Variants in FARP1 observed in about 807,000 individuals in gnomAD.
The protein encoded by FARP1 is FERM, ARHGEF and pleckstrin domain-containing protein 1.
In FARP1, 52 loss-of-function variants were observed where a neutral mutation model predicts 128.8. The ratio of observed to expected loss-of-function variants is 0.40; its 90% CI spans 0.32 to 0.51. The LOEUF (loss-of-function observed/expected upper bound fraction) is 0.51. Ranked by LOEUF, FARP1 falls within the 20% of genes least tolerant of loss-of-function variation. The probability of loss-of-function intolerance (pLI) is 0.45; values close to 1 mark genes in which losing one functional copy is unlikely to be tolerated. For missense variants in FARP1, 1,333 were observed against 1,367.9 expected, an observed-to-expected ratio of 0.97 and a Z score of 0.40; for synonymous variants, 580 against 551.8, an observed-to-expected ratio of 1.05 and a Z score of -0.72.
At chr13:98,235,499 T>G (rs1361345995) in intron 2 of FARP1, among the ~76,000 whole-genome samples, 1 of 152,070 alleles carries the variant, frequency 6.6e-6, no homozygotes, top group African/African-American at 2.4e-5. Flanking sequence ...AGGGGGAAAC[T>G]CCCTCTCTCC....
chr13:98,245,130 G>A (rs1862448416), intron 2 of FARP1: 3 of 993,206 alleles, frequency 3.0e-6, no homozygotes, highest in Non-Finnish European at 3.6e-6. Flanking sequence ...ATGTTAACTG[G>A]AATTGCTGAA....
At chr13:98,187,305 A>G (rs1462669061) in intron 1 of FARP1, among the ~76,000 whole-genome samples, 1 of 152,198 alleles carries the variant, frequency 6.6e-6, no homozygotes, top group Non-Finnish European at 1.5e-5. Flanking sequence ...TCATATTTGA[A>G]TGTTTACACT....
chr13:98,335,406 A>G (rs891670681), intron 2 of FARP1, among the ~76,000 whole-genome samples: 1 of 152,160 alleles, frequency 6.6e-6, no homozygotes, highest in Non-Finnish European at 1.5e-5. Flanking sequence ...ACTTTTCCTT[A>G]TAAAACCATC....
At chr13:98,311,773 CTA>C (rs1886469061) in intron 2 of FARP1, among the ~76,000 whole-genome samples, 2 of 152,180 alleles carry the variant, frequency 1.3e-5, no homozygotes, top group African/African-American at 4.8e-5. Flanking sequence ...GCAGGAATGG[CTA>C]CCGTAATGAT....
chr13:98,224,772 G>A (rs1881660877), intron 2 of FARP1, among the ~76,000 whole-genome samples: 2 of 152,074 alleles, frequency 1.3e-5, no homozygotes, highest in African/African-American at 2.4e-5. Context: ...CACCCTCTGT[G>A]GTTGGAGGCG....
chr13:98,307,852 A>T (rs1886234481), intron 2 of FARP1, among the ~76,000 whole-genome samples: 1 of 151,836 alleles, frequency 6.6e-6, no homozygotes, highest in African/African-American at 2.4e-5. Context: ...ACTCTTTTGG[A>T]AAAAAAACTA....
intron 2 of FARP1, among the ~76,000 whole-genome samples, chr13:98,325,569 A>C (rs1162783566): frequency 6.6e-6 from 1 of 152,224 alleles, no homozygotes. Flanking sequence ...AGAAATGCTG[A>C]TCTTCCCTGT....
intron 1 of FARP1, among the ~76,000 whole-genome samples, chr13:98,205,533 C>A (rs180961181): frequency 6.6e-6 from 1 of 152,204 alleles, no homozygotes; most frequent in East Asian, 1.9e-4. Flanking sequence ...GCTGGGACTT[C>A]AGGTGCCCAC....
intron 12 of FARP1, among the ~76,000 whole-genome samples, chr13:98,394,906 C>CAG (rs1210256008): frequency 6.6e-6 from 1 of 152,168 alleles, no homozygotes; most frequent in Non-Finnish European, 1.5e-5. Flanking sequence ...GCCTAGGTGA[C>CAG]AGAGTAAGAT....
In FARP1 at chr13:98,409,429, G is replaced by A; in HGVS notation, c.1506G>A (p.Leu502=). 1 of 1,613,940 alleles carries A rather than the reference G, an allele frequency of 6.2e-7. No homozygotes were observed. Among genetic ancestry groups the A allele is most frequent in the Admixed American group, 1.7e-5 (1 of 60,014 alleles). The change falls in exon 14 of 27, where the codon CTG becomes CTA. Residue 502 remains leucine (L), a synonymous_variant. Coordinates refer to ENST00000319562, the MANE Select transcript of FARP1 (RefSeq NM_005766.4). ...CCAACGTGACCTTGTCTCCCAACCT[G>A]AGCCCCGACACCAAGCAGGCCTCTC... The part of the protein sequence containing the change: ...APANVTLSPN[L]SPDTKQASPL...
chr13:98,363,797 A>T (rs2139958952), intron 3 of FARP1, among the ~76,000 whole-genome samples: 1 of 152,202 alleles, frequency 6.6e-6, no homozygotes, highest in African/African-American at 2.4e-5. Context: ...GCTAGAGTGC[A>T]GTGGTGCGAT....
At chr13:98,397,919 A>AAAAAAAAG (rs61501785) in intron 13 of FARP1, 70 of 124,224 alleles carry the variant, frequency 5.6e-4, no homozygotes, top group Non-Finnish European at 7.0e-4. Context: ...AAAAAAAAAA[A>AAAAAAAAG]GATAAATTGT....
intron 2 of FARP1, among the ~76,000 whole-genome samples, chr13:98,308,861 A>T (rs1227577753): frequency 1.3e-5 from 2 of 151,928 alleles, no homozygotes; most frequent in Non-Finnish European, 1.5e-5. Context: ...GGGGTTTCAC[A>T]AAAACGGGGT....
At chr13:98,193,961 A>G (rs1879404113) in intron 1 of FARP1, among the ~76,000 whole-genome samples, 1 of 152,152 alleles carries the variant, frequency 6.6e-6, no homozygotes, top group Admixed American at 6.6e-5. Flanking sequence ...AAATTAATAG[A>G]TTCTTTAGTT....
chr13:98,443,339 CTT>C (rs1286774136), intron 24 of FARP1, among the ~76,000 whole-genome samples: 1 of 152,204 alleles, frequency 6.6e-6, no homozygotes. Flanking sequence ...TGCTCTATCA[CTT>C]TGCAGATGTC....
Position 98,431,239 on chromosome 13 carries a change from A to C in FARP1, c.2102A>C (p.Lys701Thr). ...HYKQVLERLC[K>T]HHPPSHADFR... is the part of the protein sequence containing the mutation. Reference sequence around the variant, plus strand: ...AAGCAGGTCCTGGAGCGGCTGTGCAAACACCACCCGCCGAGCCACGCCGAC... The same window carrying C: ...AAGCAGGTCCTGGAGCGGCTGTGCACACACCACCCGCCGAGCCACGCCGAC... Residue 701 changes from lysine to threonine, a missense_variant, in exon 18 of 27, where the codon AAA (lysine) becomes ACA (threonine). By Grantham distance (78) the Lys-to-Thr change is moderately conservative. Around this residue, in one of 2 missense-constraint regions of FARP1, gnomAD observed 1,009 missense variants for 969.8 expected, o/e 1.04. Transcript: ENST00000319562. 6.4e-7 allele frequency: 1 copy of C among 1,573,218 alleles called. No homozygotes were observed. The highest frequency in any genetic ancestry group is 8.6e-7 in the Non-Finnish European group (1 of 1,159,748).
intron 1 of FARP1, among the ~76,000 whole-genome samples, chr13:98,189,948 C>G (rs535553564): frequency 1.3e-5 from 2 of 152,288 alleles, no homozygotes; most frequent in African/African-American, 4.8e-5. Context: ...CATGCAAGTT[C>G]TCTGTCTTCA....
At chr13:98,299,439 G>T (rs1050569828) in intron 2 of FARP1, among the ~76,000 whole-genome samples, 1 of 152,212 alleles carries the variant, frequency 6.6e-6, no homozygotes, top group African/African-American at 2.4e-5. Context: ...CGTAGGGGCT[G>T]TCTACTGAAG....
intron 1 of FARP1, among the ~76,000 whole-genome samples, chr13:98,174,826 G>T (rs1410616768): frequency 6.6e-6 from 1 of 152,168 alleles, no homozygotes; most frequent in African/African-American, 2.4e-5. Flanking sequence ...TACTATGTAT[G>T]AGGAAACTGA....
Sources: allele counts gnomAD v4.1 joint callset (sites outside exome capture counted in the v4.1 genomes callset), GRCh38; gene constraint gnomAD v4.1.1; regional missense constraint gnomAD v4.1.1; transcripts MANE v1.5; gene names NCBI Gene and HGNC (gene_info 2026-07-23, HGNC 2026-07-21).